Variants in S100A8 observed in about 807,000 individuals in gnomAD.
S100A8 encodes protein S100-A8.
S100A8 carries 1 observed loss-of-function variant against 4.2 expected under a neutral mutation model. That is an observed-to-expected ratio of 0.24 (90% CI 0.08 to 1.12). The LOEUF is 1.12. S100A8 is among the 50% of genes most tolerant of loss of function. S100A8 has a pLI of 0.53. For synonymous variants in S100A8, 41 were observed against 44.7 expected (o/e 0.92, Z 0.33); for missense variants, 96 against 111.8 (o/e 0.86, Z 0.64).
chr1:153,419,013 T>C, the S100A8 span: 2 of 934,650 alleles, frequency 2.1e-6, no homozygotes, highest in East Asian at 2.6e-5. Flanking sequence ...ACTCACCCTG[T>C]GCTCTCAGCC....
At chr1:153,407,590 G>A in the S100A8 span, among the ~76,000 whole-genome samples, 13 of 152,206 alleles carry the variant, frequency 8.5e-5, no homozygotes, top group Admixed American at 2.6e-4. Flanking sequence ...AGGCTTAAGC[G>A]TCCCTGTTTG....
At chr1:153,407,737 C>T in the S100A8 span, among the ~76,000 whole-genome samples, 1 of 152,174 alleles carries the variant, frequency 6.6e-6, no homozygotes. Context: ...CAACTGACAC[C>T]TCATACAGCC....
chr1:153,417,396 A>G, the S100A8 span: 3 of 152,404 alleles, frequency 2.0e-5, no homozygotes, highest in African/African-American at 7.2e-5. Flanking sequence ...GCAGCTTAAG[A>G]ACCAGGGAGT....
the S100A8 span, among the ~76,000 whole-genome samples, chr1:153,411,453 ACAAACCACTGCT>A: frequency 6.6e-6 from 1 of 152,250 alleles, no homozygotes. Flanking sequence ...AAGGAGAACT[ACAAACCACTGCT>A]CAACGAAATA....
At chr1:153,415,881 A>G in the S100A8 span, among the ~76,000 whole-genome samples, 100 of 152,280 alleles carry the variant, frequency 6.6e-4, no homozygotes, top group Admixed American at 2.2e-3. Context: ...ACCCTGATGC[A>G]ACCCAAGACC....
At chr1:153,407,523 T>C in the S100A8 span, among the ~76,000 whole-genome samples, 1 of 152,228 alleles carries the variant, frequency 6.6e-6, no homozygotes, top group Non-Finnish European at 1.5e-5. Context: ...CCTGCCTCGG[T>C]AGACTCCACC....
chr1:153,411,305 C>A, the S100A8 span, among the ~76,000 whole-genome samples: 5 of 152,160 alleles, frequency 3.3e-5, no homozygotes, highest in South Asian at 2.1e-4. Flanking sequence ...AATCAATGTA[C>A]AAAAATCACA....
At chr1:153,405,069 G>A in the S100A8 span, among the ~76,000 whole-genome samples, 1 of 151,762 alleles carries the variant, frequency 6.6e-6, no homozygotes, top group African/African-American at 2.4e-5. Context: ...CTTGGCCAAG[G>A]AGCCTTCCTG....
At chr1:153,416,181 C>T in the S100A8 span, among the ~76,000 whole-genome samples, 4 of 152,190 alleles carry the variant, frequency 2.6e-5, no homozygotes, top group Admixed American at 6.5e-5. Context: ...TAAACAAGAC[C>T]ATGCTGCCTT....
At chr1:153,391,980 G>A (rs188543697), upstream of S100A8, among the ~76,000 whole-genome samples, 1 of 152,136 alleles carries the variant, frequency 6.6e-6, no homozygotes, top group African/African-American at 2.4e-5. Flanking sequence ...AGGATTTCAG[G>A]AGGAACAAAT....
upstream of S100A8, among the ~76,000 whole-genome samples, chr1:153,393,637 C>G (rs1359326647): frequency 6.6e-6 from 1 of 152,188 alleles, no homozygotes; most frequent in African/African-American, 2.4e-5. Context: ...AACGCCATTT[C>G]TGACATGACA....
the S100A8 span, among the ~76,000 whole-genome samples, chr1:153,418,704 G>A: frequency 7.2e-5 from 11 of 152,220 alleles, no homozygotes; most frequent in Non-Finnish European, 1.6e-4. Flanking sequence ...AGATGACCAA[G>A]AGTAGGGAAC....
the S100A8 span, among the ~76,000 whole-genome samples, chr1:153,406,487 C>T: frequency 1.3e-5 from 2 of 152,122 alleles, no homozygotes; most frequent in East Asian, 1.9e-4. Flanking sequence ...CAGAGCATTG[C>T]TCAAAGCATG....
At chr1:153,415,220 A>G in the S100A8 span, among the ~76,000 whole-genome samples, 280 of 151,900 alleles carry the variant, frequency 1.8e-3, 1 homozygote, top group African/African-American at 6.1e-3. Context: ...TGCCGCTAAA[A>G]GTAATATTGC....
the S100A8 span, among the ~76,000 whole-genome samples, chr1:153,400,365 G>C: frequency 6.6e-6 from 1 of 152,058 alleles, no homozygotes; most frequent in Non-Finnish European, 1.5e-5. Flanking sequence ...GTGACAGGTG[G>C]GGTCCCCTCT....
At chr1:153,401,901 T>C in the S100A8 span, among the ~76,000 whole-genome samples, 4 of 151,486 alleles carry the variant, frequency 2.6e-5, no homozygotes, top group Non-Finnish European at 4.4e-5. Flanking sequence ...CCAGTGTATA[T>C]CTATTTTCTT....
At chr1:153,407,596 G>T in the S100A8 span, among the ~76,000 whole-genome samples, 1 of 152,234 alleles carries the variant, frequency 6.6e-6, no homozygotes, top group Non-Finnish European at 1.5e-5. Context: ...AAGCGTCCCT[G>T]TTTGACAGCT....
At chr1:153,404,611 T>G in the S100A8 span, among the ~76,000 whole-genome samples, 3 of 152,216 alleles carry the variant, frequency 2.0e-5, no homozygotes, top group Non-Finnish European at 4.4e-5. Flanking sequence ...CAAGATTTAC[T>G]TAACCCACCA....
the S100A8 span, among the ~76,000 whole-genome samples, chr1:153,396,265 C>A: frequency 6.6e-6 from 1 of 152,262 alleles, no homozygotes; most frequent in Non-Finnish European, 1.5e-5. Flanking sequence ...GAAGCTGTTT[C>A]TTCCCCTCAG....
Sources: gnomAD v4.1 joint callset for allele counts (sites outside exome capture counted in the v4.1 genomes callset) on GRCh38, gnomAD v4.1.1 for gene constraint, MANE v1.5 for transcripts, NCBI Gene and HGNC (gene_info 2026-07-23, HGNC 2026-07-21) for gene names.